The following RNF41 variants were observed in gnomAD, a reference collection of about 807,000 sequenced individuals.
The protein encoded by RNF41 is ring finger protein 41.
Under a neutral mutation model 33.0 loss-of-function variants are expected in RNF41, and 4 were observed. That is an observed-to-expected ratio of 0.12 (90% CI 0.06 to 0.28). RNF41 has a LOEUF of 0.28. RNF41 is among the 10% of genes least tolerant of loss of function. The pLI is 1.00. For synonymous variants in RNF41, 164 were observed against 153.2 expected, an observed-to-expected ratio of 1.07 and a Z score of -0.52; for missense variants, 228 against 432.6, an observed-to-expected ratio of 0.53 and a Z score of 4.19.
rs1868689298 is a variant in RNF41 at position 56,214,218 on chromosome 12, T to A, written c.-23-148A>T. The A allele has an allele frequency of 8.8e-5, 53 of 603,958 alleles. No individual in the cohort carries two copies. In the South Asian group the frequency reaches 1.0e-3, roughly 12 times the overall value. 37.4% of individuals were successfully genotyped at this position (603,958 alleles called of 1,614,324 possible). A position where few individuals can be genotyped will look rare whatever the true frequency, so the allele number is the denominator to read the frequency against. On this transcript the variant is annotated intron_variant, in intron 2 of 6. Transcript: ENST00000345093. ...AGCAGTCATTTGGCTCGGTGGAAGC[T>A]GACTCAAGAAATTTAATTCTGGCCA...
At chr12:56,210,910 G>T (rs528597302) in intron 3 of RNF41, among the ~76,000 whole-genome samples, 2 of 152,180 alleles carry the variant, frequency 1.3e-5, no homozygotes, top group Non-Finnish European at 2.9e-5. Context: ...GCATAGGCCG[G>T]GCGCAGTGGC....
At chr12:56,207,054 C>T (rs1868280537) in intron 6 of RNF41, 2 of 1,285,480 alleles carry the variant, frequency 1.6e-6, no homozygotes, top group Non-Finnish European at 2.0e-6. Flanking sequence ...CAATACTTAG[C>T]ACATATAGCG....
chr12:56,219,337 GC>G (rs1869158214), intron 1 of RNF41, among the ~76,000 whole-genome samples: 1 of 151,454 alleles, frequency 6.6e-6, no homozygotes, highest in African/African-American at 2.4e-5. Context: ...GACTACAGGC[GC>G]CCGCCAGGAC....
rs770158545 is a variant in RNF41, at chr12:56,210,476, C to T, written c.183G>A (p.Thr61=). The T allele has an allele frequency of 1.1e-5, 18 of 1,614,056 alleles. No homozygotes were observed. In the East Asian group the frequency reaches 2.9e-4, roughly 26 times the overall value. Residue 61 remains threonine (T), a synonymous_variant, in exon 4 of 7, where the codon ACG becomes ACA. Transcript: ENST00000345093. ...QTCPVDRSVV[T]VAHLRPVPRI... is the part of the protein sequence containing the mutation. ...GAGGTACTGGGCGCAGATGGGCGAC[C>T]GTCACAACACTACGGTCCACTGGAC...
At chr12:56,217,088 C>T (rs1333183088) in intron 1 of RNF41, among the ~76,000 whole-genome samples, 3 of 150,176 alleles carry the variant, frequency 2.0e-5, no homozygotes, top group Non-Finnish European at 3.0e-5. Context: ...TGCAGTGAGC[C>T]GAGACCGCGC....
At position 56,212,159 on chromosome 12, in the gene RNF41, A is replaced by T. The variant is rs148562064; in HGVS notation, c.91-1591T>A. Among the ~76,000 whole-genome samples the T allele has an allele frequency of 2.1e-3, 317 of 152,348 alleles. 1 individual carries two copies. Among genetic ancestry groups the T allele is most frequent in the African/African-American group, 7.1e-3 (294 of 41,582 alleles). On this transcript the variant is annotated intron_variant, in intron 3 of 6. Transcript: ENST00000345093. The stretch of plus-strand genomic sequence containing the variant: ...TACACAAATACATATATATGCAGAC[A>T]TCTATTCATATTTGCTTATATCTGC...
In RNF41 at chr12:56,206,666, C is replaced by T; in HGVS notation, c.735G>A (p.Glu245=). Residue 245 remains glutamate (E), a synonymous_variant, in exon 7 of 7, where the codon GAG becomes GAA. Coordinates refer to ENST00000345093, the MANE Select transcript of RNF41 (RefSeq NM_005785.4). The surrounding 1 kb of genome is among the most constrained non-coding windows in gnomAD (Gnocchi z 5.7). ...ESGCPASIVN[E]LIENAHERSW... ...TACGCTCGTGGGCATTTTCAATCAG[C>T]TCGTTGACAATAGAAGCAGGACAGC... 1 of 1,614,138 alleles carries T rather than the reference C, an allele frequency of 6.2e-7. No homozygotes were observed.
Position 56,206,674 on chromosome 12 carries a change from C to T in RNF41, c.727G>A (p.Val243Ile). Residue 243 changes from valine to isoleucine, a missense_variant, in exon 7 of 7, where the codon GTC (valine) becomes ATC (isoleucine). Physicochemically the swap from Val to Ile is conservative, Grantham distance 29. This residue lies in a region of RNF41 where 199 missense variants were observed against 334.6 expected (regional missense o/e 0.59). Transcript: ENST00000345093. This position sits in a 1 kb window ranked among gnomAD's most constrained non-coding sequence, Gnocchi z 5.7. Reference protein sequence around the residue: ...LVESGCPASIVNELIENAHER... With the variant: ...LVESGCPASIINELIENAHER... ...TGGGCATTTTCAATCAGCTCGTTGA[C>T]AATAGAAGCAGGACAGCCACTCTCC... is the stretch of plus-strand genomic sequence containing the variant. 1.2e-6 allele frequency: 2 copies of T among 1,614,106 alleles called. No individual in the cohort carries two copies. Among genetic ancestry groups the T allele is most frequent in the African/African-American group, 1.3e-5 (1 of 75,004 alleles).
chr12:56,207,759 G>C lies in RNF41; in HGVS notation c.499-10C>G. ...GCTGGATGTCTCGCTTCTGTTGTGGGGAAGAAGAACAGGAATAATGGTTAA... is the reference window on the plus strand; with the variant it reads ...GCTGGATGTCTCGCTTCTGTTGTGGCGAAGAAGAACAGGAATAATGGTTAA... On this transcript the variant is annotated splice_polypyrimidine_tract_variant and intron_variant, in intron 5 of 6. Transcript: ENST00000345093. The C allele has an allele frequency of 6.2e-7, 1 of 1,607,336 alleles. No homozygotes were observed. The highest frequency in any genetic ancestry group is 8.5e-7 in the Non-Finnish European group (1 of 1,173,830).
At chr12:56,210,227 G>A in intron 4 of RNF41, 70 bp downstream of exon 4, 8 of 1,549,680 alleles carry the variant, frequency 5.2e-6, no homozygotes, top group Non-Finnish European at 7.1e-6. Context: ...CTAGTGAGGA[G>A]GGCAGCCAGA....
chr12:56,212,181 C>T (rs1265101017), intron 3 of RNF41, among the ~76,000 whole-genome samples: 4 of 152,160 alleles, frequency 2.6e-5, no homozygotes, highest in Non-Finnish European at 5.9e-5. Context: ...TTGCTTATAT[C>T]TGCCTTAAGA....
chr12:56,215,408 G>A (rs1257932297), intron 2 of RNF41, among the ~76,000 whole-genome samples: 1 of 152,082 alleles, frequency 6.6e-6, no homozygotes, highest in Non-Finnish European at 1.5e-5. Context: ...CTTAGGTGGT[G>A]GTGGTGATGG....
At chr12:56,212,796 G>C (rs887482367) in intron 3 of RNF41, among the ~76,000 whole-genome samples, 1 of 152,136 alleles carries the variant, frequency 6.6e-6, no homozygotes, top group African/African-American at 2.4e-5. Flanking sequence ...GAGCCCCTGG[G>C]AGTTAGGTGA....
At chr12:56,210,209 C>T (rs1868377353) in intron 4 of RNF41, 88 bp downstream of exon 4, 10 of 1,450,704 alleles carry the variant, frequency 6.9e-6, no homozygotes, top group Non-Finnish European at 9.5e-6. Flanking sequence ...CCAAAGAGAC[C>T]TCCTCAGCTA....
At position 56,203,530 on chromosome 12, in the gene RNF41, T is replaced by G. The variant is rs1878689432; in HGVS notation, c.*2917A>C. On this transcript the variant is annotated 3_prime_UTR_variant, in exon 7 of 7. Coordinates refer to ENST00000345093, the MANE Select transcript of RNF41 (RefSeq NM_005785.4). ...CATTCTCCTGCCTCAGCCTCCTGAG[T>G]AGCTGGGAGGACAGGCGCCTGTCCG... is the stretch of plus-strand genomic sequence containing the variant. 6.7e-6 allele frequency: 1 copy of G among 149,628 alleles called. No homozygotes were observed. The highest frequency in any genetic ancestry group is 1.5e-5 in the Non-Finnish European group (1 of 67,756). 9.3% of individuals were successfully genotyped at this position (149,628 alleles called of 1,614,324 possible).
chr12:56,206,479 T>G lies in RNF41; in HGVS notation c.922A>C (p.Met308Leu). Residue 308 changes from methionine to leucine, a missense_variant, in exon 7 of 7, where the codon ATG (methionine) becomes CTG (leucine). Met to Leu is a conservative substitution (Grantham distance 15, BLOSUM62 2). Around this residue, in one of 2 missense-constraint regions of RNF41, gnomAD observed 199 missense variants for 334.6 expected, o/e 0.59. Coordinates refer to ENST00000345093, the MANE Select transcript of RNF41 (RefSeq NM_005785.4). This position sits in a 1 kb window ranked among gnomAD's most constrained non-coding sequence, Gnocchi z 5.7. Reference sequence around the variant, plus strand: ...TCTTCCACGCCATGCGCAAATATCATGACAAGGCCTGGCTCTTGCACCATG... The same window carrying G: ...TCTTCCACGCCATGCGCAAATATCAGGACAAGGCCTGGCTCTTGCACCATG... ...DDMVQEPGLV[M>L]IFAHGVEEI 6.2e-7 allele frequency: 1 copy of G among 1,613,916 alleles called. No homozygotes were observed. Among genetic ancestry groups the G allele is most frequent in the Non-Finnish European group, 8.5e-7 (1 of 1,179,824 alleles).
chr12:56,214,557 A>G (rs1020831322), intron 2 of RNF41, among the ~76,000 whole-genome samples: 1 of 148,942 alleles, frequency 6.7e-6, no homozygotes. Context: ...GGCCTGGCAC[A>G]GTGGCTCACG....
chr12:56,213,158 A>G, intron 3 of RNF41: 2 of 1,281,932 alleles, frequency 1.6e-6, no homozygotes, highest in Non-Finnish European at 2.0e-6. Context: ...AGATCCCAGG[A>G]AAAAAATAGG....
At position 56,206,177 on chromosome 12, in the gene RNF41, C is replaced by A; in HGVS notation, c.*270G>T. The A allele has an allele frequency of 2.4e-6, 1 of 409,566 alleles. No individual in the cohort carries two copies. Among genetic ancestry groups the A allele is most frequent in the Non-Finnish European group, 4.4e-6 (1 of 228,518 alleles). 25.4% of individuals were successfully genotyped at this position (409,566 alleles called of 1,614,324 possible). ...AATAACTGGAACCAGGGACCCTAAG[C>A]AGGAAAATGGATGGAGGTGGGGGCT... On this transcript the variant is annotated 3_prime_UTR_variant, in exon 7 of 7. Coordinates refer to ENST00000345093, the MANE Select transcript of RNF41 (RefSeq NM_005785.4). The surrounding 1 kb of genome is among the most constrained non-coding windows in gnomAD (Gnocchi z 5.7).
Sources: gnomAD v4.1 joint callset for allele counts (sites outside exome capture counted in the v4.1 genomes callset) on GRCh38, gnomAD v4.1.1 for gene constraint, gnomAD v4.1.1 regional missense constraint, Gnocchi (gnomAD v3.1) non-coding constraint, MANE v1.5 for transcripts, NCBI Gene and HGNC (gene_info 2026-07-23, HGNC 2026-07-21) for gene names.